CTNS: variants seen among roughly 807,000 people sequenced by gnomAD.
CTNS encodes cystinosin.
Under a neutral mutation model 43.7 loss-of-function variants are expected in CTNS, and 27 were observed. The observed-to-expected ratio is 0.62, with a 90% CI of 0.46 to 0.85. CTNS has a LOEUF of 0.85. CTNS is among the 40% of genes least tolerant of loss of function. The pLI is 0.00. For missense variants in CTNS, 457 were observed against 475.4 expected (o/e 0.96, Z 0.36); for synonymous variants, 187 against 190.6 (o/e 0.98, Z 0.16).
chr17:3,646,569 G>A (rs889119823), intron 3 of CTNS, among the ~76,000 whole-genome samples: 6 of 152,130 alleles, frequency 3.9e-5, no homozygotes, highest in East Asian at 1.9e-4. Flanking sequence ...TTACAGGCAT[G>A]AGCCACCACG....
In CTNS at chr17:3,656,552, T is replaced by G; in HGVS notation, c.527T>G (p.Phe176Cys). Residue 176 changes from phenylalanine (F) to cysteine (C), a missense_variant, in exon 8 of 12, where the codon TTC (phenylalanine) becomes TGC (cysteine). Phe to Cys is a radical substitution (Grantham distance 205). Transcript: ENST00000046640. ...ACGGGCTTCGTGGCCTACAGTGTAT[T>G]CAACATCGGCCTCCTCTGGGTGCCC... is the stretch of plus-strand genomic sequence containing the variant. ...NLTGFVAYSV[F>C]NIGLLWVPYI... 1 of 1,609,922 alleles carries G rather than the reference T, an allele frequency of 6.2e-7. No homozygotes were observed. Among genetic ancestry groups the G allele is most frequent in the Non-Finnish European group, 8.5e-7 (1 of 1,179,162 alleles).
intron 3 of CTNS, among the ~76,000 whole-genome samples, chr17:3,643,684 A>G (rs914039394): frequency 1.3e-5 from 2 of 152,126 alleles, no homozygotes; most frequent in Admixed American, 6.6e-5. Flanking sequence ...CTAGTGCCTC[A>G]GCCTCCCAAG....
intron 3 of CTNS, among the ~76,000 whole-genome samples, chr17:3,641,627 G>A (rs564029545): frequency 1.1e-4 from 16 of 151,620 alleles, no homozygotes; most frequent in South Asian, 4.2e-4. Context: ...TCCTGACCTC[G>A]TGGCTCGCCT....
intron 9 of CTNS, chr17:3,657,016 A>AGAGCCGTG: frequency 1.5e-6 from 1 of 654,552 alleles, no homozygotes; most frequent in Non-Finnish European, 2.6e-6. Flanking sequence ...ACTCAGGCTG[A>AGAGCCGTG]GAGCCGTGCA....
Position 3,655,201 on chromosome 17 carries a change from G to A in CTNS, c.330-20G>A. On this transcript the variant is annotated intron_variant, in intron 6 of 11. Transcript: ENST00000046640. ...AGAAGCCCAGCCTCAGCTCATCCCG[G>A]TCCCCAAACTCCTTTCCAGCCCGAG... 2 of 1,614,138 alleles carry A rather than the reference G, an allele frequency of 1.2e-6. No individual in the cohort carries two copies. The highest frequency in any genetic ancestry group is 2.2e-5 in the South Asian group (2 of 91,078).
intron 3 of CTNS, among the ~76,000 whole-genome samples, chr17:3,643,825 C>T (rs1415742521): frequency 2.0e-5 from 3 of 152,166 alleles, no homozygotes; most frequent in Admixed American, 2.0e-4. Flanking sequence ...CCTCAGCCTC[C>T]CAAAGTGCTG....
intron 2 of CTNS, among the ~76,000 whole-genome samples, chr17:3,637,903 G>C (rs1213889142): frequency 6.6e-6 from 1 of 152,162 alleles, no homozygotes; most frequent in Non-Finnish European, 1.5e-5. Flanking sequence ...CCTGTCTCCA[G>C]TGCACACAGC....
At chr17:3,658,310 A>C in intron 10 of CTNS, 135 bp downstream of exon 10, 2 of 1,222,924 alleles carry the variant, frequency 1.6e-6, no homozygotes, top group Non-Finnish European at 2.3e-6. Context: ...CCGGGAGCCC[A>C]GCGGGAGCGG....
chr17:3,654,228 T>C (rs998403181), intron 5 of CTNS, among the ~76,000 whole-genome samples: 5 of 152,190 alleles, frequency 3.3e-5, no homozygotes, highest in East Asian at 1.9e-4. Context: ...TAGACACTTT[T>C]GTTAACTCGT....
rs146678551 is a variant in CTNS, at chr17:3,639,910, C to T, written c.-19-278C>T. On this transcript the variant is annotated intron_variant, in intron 2 of 11. Coordinates refer to ENST00000046640, the MANE Select transcript of CTNS (RefSeq NM_004937.3). The stretch of plus-strand genomic sequence containing the variant: ...CTGCTAACTAAGTTTTTACAAAAAG[C>T]AATTGAAGAGGGAAAAATTCTGGTC... 9.9e-5 allele frequency among the ~76,000 whole-genome samples: 15 copies of T among 152,192 alleles called. No homozygotes were observed. The East Asian group carries it at 2.9e-3, about 29-fold the overall frequency.
intron 5 of CTNS, among the ~76,000 whole-genome samples, chr17:3,653,545 T>C (rs956611938): frequency 3.9e-5 from 6 of 151,998 alleles, no homozygotes; most frequent in Admixed American, 2.6e-4. Flanking sequence ...TCAGTAAGGA[T>C]ATCATCCTGC....
intron 5 of CTNS, among the ~76,000 whole-genome samples, chr17:3,652,918 C>G (rs1213707334): frequency 6.6e-6 from 1 of 152,178 alleles, no homozygotes; most frequent in East Asian, 1.9e-4. Flanking sequence ...CTGCCAAAGC[C>G]CCTGATTTCT....
intron 3 of CTNS, among the ~76,000 whole-genome samples, chr17:3,645,353 C>T (rs224501): frequency 0.51 from 77,125 of 151,934 alleles, 20,206 homozygotes; most frequent in Non-Finnish European, 0.57. Context: ...TGGGGACCTA[C>T]GGACTTGGGA....
intron 4 of CTNS, 79 bp from the exon 5 acceptor site, chr17:3,648,768 C>G: frequency 8.5e-7 from 1 of 1,178,692 alleles, no homozygotes; most frequent in Non-Finnish European, 1.3e-6. Context: ...GAGTTGAAGG[C>G]CAGATGTGAA....
At chr17:3,655,558 C>T (rs368441453) in intron 7 of CTNS, 2 of 674,324 alleles carry the variant, frequency 3.0e-6, no homozygotes, top group South Asian at 1.8e-5. Context: ...AGCTCAGCCC[C>T]TCCCTGGGAA....
chr17:3,644,731 TG>T (rs1289779303), intron 3 of CTNS, among the ~76,000 whole-genome samples: 4 of 152,236 alleles, frequency 2.6e-5, no homozygotes, highest in Non-Finnish European at 5.9e-5. Flanking sequence ...CCCAAAATGC[TG>T]GGATTACAGG....
Position 3,660,805 on chromosome 17 carries a change from C to T in CTNS, c.*436C>T. Reference sequence around the variant, plus strand: ...TTCCCAGAGATCAAGCAGCCCGGTGCCGTGGCCAGTGAACTCAGAGGTGCT... The same window carrying T: ...TTCCCAGAGATCAAGCAGCCCGGTGTCGTGGCCAGTGAACTCAGAGGTGCT... On this transcript the variant is annotated 3_prime_UTR_variant, in exon 12 of 12. Transcript: ENST00000046640. 1 of 1,603,404 alleles carries T rather than the reference C, an allele frequency of 6.2e-7. No homozygotes were observed.
rs755987456 is a variant in CTNS, at chr17:3,638,226, G to GTT, written c.-20+919_-20+920dup. 8.1e-5 allele frequency among the ~76,000 whole-genome samples: 12 copies of GTT among 149,008 alleles called. 1 individual carries two copies. Among genetic ancestry groups the GTT allele is most frequent in the Non-Finnish European group, 1.5e-4 (10 of 67,224 alleles). On this transcript the variant is annotated intron_variant, in intron 2 of 11. Coordinates refer to ENST00000046640, the MANE Select transcript of CTNS (RefSeq NM_004937.3). ...CTAGTTGTATGTAATTATCAATCTG[G>GTT]TTTTTTTTTTGTTTTTTTTTTTTAA...
intron 3 of CTNS, among the ~76,000 whole-genome samples, chr17:3,646,461 G>A (rs953784222): frequency 6.6e-6 from 1 of 151,924 alleles, no homozygotes; most frequent in African/African-American, 2.4e-5. Context: ...CTAATTTTTT[G>A]TATTTTTAGT....
Sources: allele counts gnomAD v4.1 joint callset (sites outside exome capture counted in the v4.1 genomes callset), GRCh38; gene constraint gnomAD v4.1.1; transcripts MANE v1.5; gene names NCBI Gene and HGNC (gene_info 2026-07-23, HGNC 2026-07-21).